RASIP1: variants seen among roughly 807,000 people sequenced by gnomAD.
RASIP1 encodes the protein Ras interacting protein 1, also known as ras-interacting protein 1.
In RASIP1, 20 loss-of-function variants were observed where a neutral mutation model predicts 85.3. The ratio of observed to expected loss-of-function variants is 0.23; its 90% CI spans 0.17 to 0.34. The LOEUF is 0.34. RASIP1 is among the 10% of genes least tolerant of loss of function. The pLI, the probability that RASIP1 is intolerant of heterozygous loss-of-function variation, is 1.00. For missense variants in RASIP1, 1,170 were observed against 1,390.9 expected (o/e 0.84, Z 2.53); for synonymous variants, 617 against 647.1 (o/e 0.95, Z 0.71).
In RASIP1 at chr19:48,720,950, G is replaced by T. The variant is rs1456098881; in HGVS notation, c.2740C>A (p.Leu914Met). 2 of 1,612,756 alleles carry T rather than the reference G, an allele frequency of 1.2e-6. No individual in the cohort carries two copies. The highest frequency in any genetic ancestry group is 8.5e-7 in the Non-Finnish European group (1 of 1,179,666). The change falls in exon 12 of 12, where the codon CTG (leucine) becomes ATG (methionine). Residue 914 changes from leucine (L) to methionine (M), a missense_variant. Transcript: ENST00000222145. ...GTGAGGCGCAGGCGCGAGCTCCCCA[G>T]GGGGAGGATGAGGGGCGGGTGCGAG... ...FSSHPPLILP[L>M]GSSRLRLTGP...
At position 48,738,723 on chromosome 19, in the gene RASIP1, C is replaced by T; in HGVS notation, c.823+237G>A. The stretch of plus-strand genomic sequence containing the variant: ...AGCCCCAAGCTTGGCCCCTGTAAAA[C>T]TCCTGCTCAATCAACAAGCCCCACC... On this transcript the variant is annotated intron_variant, in intron 3 of 11. Transcript: ENST00000222145. This position sits in a 1 kb window ranked among gnomAD's most constrained non-coding sequence, Gnocchi z 4.0. The T allele has an allele frequency of 5.0e-6, 2 of 400,408 alleles. No individual in the cohort carries two copies. Among genetic ancestry groups the T allele is most frequent in the South Asian group, 1.3e-4 (1 of 7,968 alleles). 24.8% of individuals were successfully genotyped at this position (400,408 alleles called of 1,614,324 possible). A position where few individuals can be genotyped will look rare whatever the true frequency, so the allele number is the denominator to read the frequency against.
In RASIP1 at chr19:48,720,846, C is replaced by A; in HGVS notation, c.2844G>T (p.Glu948Asp). Residue 948 changes from glutamate to aspartate, a missense_variant, in exon 12 of 12, where the codon GAG becomes GAT. Coordinates refer to ENST00000222145, the MANE Select transcript of RASIP1 (RefSeq NM_017805.3). Reference sequence around the variant, plus strand: ...GCCCATGGCGATAATTGGCTGGCAGCTCCTGCTGCTCAAGATCCCAGAGGA... The same window carrying A: ...GCCCATGGCGATAATTGGCTGGCAGATCCTGCTGCTCAAGATCCCAGAGGA... ...RRLLWDLEQQ[E>D]LPANYRHGPP... The A allele has an allele frequency of 6.2e-7, 1 of 1,614,096 alleles. No individual in the cohort carries two copies. The highest frequency in any genetic ancestry group is 8.5e-7 in the Non-Finnish European group (1 of 1,180,038).
chr19:48,736,223 G>A (rs1413391681), intron 3 of RASIP1, among the ~76,000 whole-genome samples: 1 of 151,318 alleles, frequency 6.6e-6, no homozygotes, highest in East Asian at 2.0e-4. Flanking sequence ...AGACCATCTT[G>A]GCTAACACGG....
Position 48,739,274 on chromosome 19 carries a change from G to C in RASIP1, c.509C>G (p.Ser170Cys). 6.8e-7 allele frequency: 1 copy of C among 1,467,472 alleles called. No individual in the cohort carries two copies. Among genetic ancestry groups the C allele is most frequent in the Non-Finnish European group, 8.9e-7 (1 of 1,118,044 alleles). The allele number at this position is 1,467,472 out of a possible 1,614,324, so 90.9% of individuals were successfully genotyped here. ...NYKSVLATAR[S>C]TARELVAEAL... ...CTCGGCCACGAGCTCGCGCGCCGTG[G>C]AGCGCGCCGTGGCCAGCACGCTCTT... Residue 170 changes from serine (S) to cysteine (C), a missense_variant, in exon 3 of 12, where the codon TCC (serine) becomes TGC (cysteine). Physicochemically the swap from Ser to Cys is moderately radical, Grantham distance 112 (BLOSUM62 -1). This residue lies in a region of RASIP1 where 299 missense variants were observed against 394.4 expected (regional missense o/e 0.76). Coordinates refer to ENST00000222145, the MANE Select transcript of RASIP1 (RefSeq NM_017805.3). The surrounding 1 kb of genome is among the most constrained non-coding windows in gnomAD (Gnocchi z 9.2).
At chr19:48,729,808 G>C (rs2033419878) in intron 4 of RASIP1, among the ~76,000 whole-genome samples, 1 of 143,676 alleles carries the variant, frequency 7.0e-6, no homozygotes, top group South Asian at 2.2e-4. Context: ...TCTGCCTCCT[G>C]AGTTCAAGCA....
intron 6 of RASIP1, 86 bp from the exon 7 acceptor site, chr19:48,727,244 C>T (rs1006878916): frequency 3.8e-6 from 6 of 1,567,742 alleles, no homozygotes; most frequent in South Asian, 3.4e-5. Context: ...AGTGGGAGAG[C>T]AAGACCAACT....
rs1291093406 is a variant in RASIP1 at position 48,724,970 on chromosome 19, T to C, written c.2128-10A>G. 3.1e-6 allele frequency: 5 copies of C among 1,607,166 alleles called. No individual in the cohort carries two copies. The highest frequency in any genetic ancestry group is 4.3e-6 in the Non-Finnish European group (5 of 1,174,374). Reference sequence around the variant, plus strand: ...GCGTTGAATAGAGAGTCTGAGAAAATAGAGAAGTGGAAACAAGTGATTGGA... The same window carrying C: ...GCGTTGAATAGAGAGTCTGAGAAAACAGAGAAGTGGAAACAAGTGATTGGA... On this transcript the variant is annotated splice_polypyrimidine_tract_variant and intron_variant, in intron 8 of 11. Transcript: ENST00000222145. The surrounding 1 kb of genome is among the most constrained non-coding windows in gnomAD (Gnocchi z 4.6).
At chr19:48,726,740 G>A (rs770353402) in intron 8 of RASIP1, 45 bp downstream of exon 8, 68 of 1,422,990 alleles carry the variant, frequency 4.8e-5, no homozygotes, top group Non-Finnish European at 6.0e-5. Context: ...ACGTGAAACA[G>A]GAAGTGATGC....
intron 10 of RASIP1, among the ~76,000 whole-genome samples, chr19:48,723,337 A>C (rs2033283586): frequency 6.6e-6 from 1 of 152,184 alleles, no homozygotes; most frequent in Admixed American, 6.5e-5. Context: ...AGGCAGGCGC[A>C]TCCCCTGAGG....
Position 48,739,822 on chromosome 19 carries a change from GAAAA to G in RASIP1, c.138-181_138-178del, listed in dbSNP as rs1279030083. 4.6e-5 allele frequency among the ~76,000 whole-genome samples: 7 copies of G among 152,144 alleles called. No individual in the cohort carries two copies. Among genetic ancestry groups the G allele is most frequent in the Admixed American group, 3.3e-4 (5 of 15,278 alleles). On this transcript the variant is annotated intron_variant, in intron 2 of 11. Coordinates refer to ENST00000222145, the MANE Select transcript of RASIP1 (RefSeq NM_017805.3). The surrounding 1 kb of genome is among the most constrained non-coding windows in gnomAD (Gnocchi z 9.2). The stretch of plus-strand genomic sequence containing the variant: ...GACAGACGCGAGGCAAAGAGAGAGA[GAAAA>G]AATAAATAAATAAAGGCAAGTCCCA...
chr19:48,739,507 G>A lies in RASIP1; in HGVS notation c.276C>T (p.Leu92=). Residue 92 remains leucine (L), a synonymous_variant, in exon 3 of 12, where the codon CTC becomes CTT. Coordinates refer to ENST00000222145, the MANE Select transcript of RASIP1 (RefSeq NM_017805.3). The surrounding 1 kb of genome is among the most constrained non-coding windows in gnomAD (Gnocchi z 9.2). The part of the protein sequence containing the change: ...SGSRAKRISQ[L]FRGSGTGTTG... ...TGGTCCCGGTCCCCGAGCCCCGGAA[G>A]AGCTGGGAGATGCGCTTGGCGCGGC... 6.6e-7 allele frequency: 1 copy of A among 1,515,680 alleles called. No individual in the cohort carries two copies. The highest frequency in any genetic ancestry group is 2.6e-5 in the East Asian group (1 of 38,588). 93.9% of individuals were successfully genotyped at this position (1,515,680 alleles called of 1,614,324 possible).
chr19:48,729,350 C>T lies in RASIP1; in HGVS notation c.1420G>A (p.Gly474Ser). 1.9e-6 allele frequency: 3 copies of T among 1,559,812 alleles called. No individual in the cohort carries two copies. Among genetic ancestry groups the T allele is most frequent in the South Asian group, 2.4e-5 (2 of 84,736 alleles). ...LLLREAELHP[G>S]DLLGLGEHFL... ...TGCTCGCCCAGCCCCAGGAGGTCGCCCGGGTGCAGCTCAGCCTCCCGCAGC... is the reference window on the plus strand; with the variant it reads ...TGCTCGCCCAGCCCCAGGAGGTCGCTCGGGTGCAGCTCAGCCTCCCGCAGC... Residue 474 changes from glycine (G) to serine (S), a missense_variant, in exon 5 of 12, where the codon GGC (glycine) becomes AGC (serine). Gly to Ser is a moderately conservative substitution (Grantham distance 56, BLOSUM62 0). Coordinates refer to ENST00000222145, the MANE Select transcript of RASIP1 (RefSeq NM_017805.3).
In RASIP1 at chr19:48,729,249, G is replaced by A; in HGVS notation, c.1521C>T (p.Pro507=). Residue 507 remains proline, a synonymous_variant, in exon 5 of 12, where the codon CCC becomes CCT. Transcript: ENST00000222145. ...AGCCAGGGCCTGGCGGCGTGGCCCCGGGGCGCGCGGGCAGCCACGGCGGCC... is the reference window on the plus strand; with the variant it reads ...AGCCAGGGCCTGGCGGCGTGGCCCCAGGGCGCGCGGGCAGCCACGGCGGCC... The part of the protein sequence containing the change: ...PARPPWLPAR[P]GATPPGPGWA... 11 of 1,448,876 alleles carry A rather than the reference G, an allele frequency of 7.6e-6. No individual in the cohort carries two copies. The highest frequency in any genetic ancestry group is 9.9e-6 in the Non-Finnish European group (11 of 1,107,228). The allele number at this position is 1,448,876 out of a possible 1,614,324, so 89.8% of individuals were successfully genotyped here.
intron 10 of RASIP1, among the ~76,000 whole-genome samples, chr19:48,722,745 G>A (rs1459402590): frequency 3.3e-5 from 5 of 152,008 alleles, no homozygotes; most frequent in South Asian, 2.1e-4. Context: ...ATTACCTTCC[G>A]GCAGGTCACC....
At chr19:48,737,952 T>G in intron 3 of RASIP1, 1 of 985,238 alleles carries the variant, frequency 1.0e-6, no homozygotes, top group Non-Finnish European at 1.2e-6. Context: ...TGTTTGTTTG[T>G]TTGTTTTTTC....
chr19:48,729,130 A>G lies in RASIP1; in HGVS notation c.1640T>C (p.Phe547Ser). ...CAGCGCCTCCTCCTCGCGCGGCCGG[A>G]AGCGCAGGACTGGCTCACGGCCGTC... ...YLDGREPVLR[F>S]RPREEEALLG... is the part of the protein sequence containing the mutation. Residue 547 changes from phenylalanine to serine, a missense_variant, in exon 5 of 12, where the codon TTC (phenylalanine) becomes TCC (serine). Physicochemically the swap from Phe to Ser is radical, Grantham distance 155 (BLOSUM62 -2). This residue lies in a region of RASIP1 where 426 missense variants were observed against 576.2 expected (regional missense o/e 0.74). Transcript: ENST00000222145. 1 of 1,362,926 alleles carries G rather than the reference A, an allele frequency of 7.3e-7. No homozygotes were observed. Among genetic ancestry groups the G allele is most frequent in the Non-Finnish European group, 9.4e-7 (1 of 1,060,912 alleles). 84.4% of individuals were successfully genotyped at this position (1,362,926 alleles called of 1,614,324 possible). A position where few individuals can be genotyped will look rare whatever the true frequency, so the allele number is the denominator to read the frequency against.
rs1486334567 is a variant in RASIP1 at position 48,724,257 on chromosome 19, G to A, written c.2544+80C>T. The A allele has an allele frequency of 1.0e-5, 15 of 1,456,384 alleles. No individual in the cohort carries two copies. The highest frequency in any genetic ancestry group is 5.6e-5 in the African/African-American group (4 of 71,176). The allele number at this position is 1,456,384 out of a possible 1,614,324, so 90.2% of individuals were successfully genotyped here. A position where few individuals can be genotyped will look rare whatever the true frequency, so the allele number is the denominator to read the frequency against. ...CATGGGGTTCAAGGGGAGCTCTGAC[G>A]GTGAGCTGAATATAGAAGGTGGCTG... On this transcript the variant is annotated intron_variant, in intron 10 of 11. Transcript: ENST00000222145. The surrounding 1 kb of genome is among the most constrained non-coding windows in gnomAD (Gnocchi z 4.6).
At position 48,724,954 on chromosome 19, in the gene RASIP1, A is replaced by G; in HGVS notation, c.2134T>C (p.Tyr712His). The stretch of plus-strand genomic sequence containing the variant: ...TCCAGGAGAGCAGGCAGCGTTGAAT[A>G]GAGAGTCTGAGAAAATAGAGAAGTG... ...QSVYYLTKTL[Y>H]STLPALLDSN... Residue 712 changes from tyrosine to histidine, a missense_variant, in exon 9 of 12, where the codon TAT becomes CAT. This residue lies in a region of RASIP1 where 426 missense variants were observed against 576.2 expected (regional missense o/e 0.74). Coordinates refer to ENST00000222145, the MANE Select transcript of RASIP1 (RefSeq NM_017805.3). The surrounding 1 kb of genome is among the most constrained non-coding windows in gnomAD (Gnocchi z 4.6). 6.2e-7 allele frequency: 1 copy of G among 1,610,346 alleles called. No individual in the cohort carries two copies. Among genetic ancestry groups the G allele is most frequent in the Non-Finnish European group, 8.5e-7 (1 of 1,176,750 alleles).
At position 48,739,049 on chromosome 19, in the gene RASIP1, C is replaced by T; in HGVS notation, c.734G>A (p.Arg245Gln). 3.2e-6 allele frequency: 4 copies of T among 1,251,282 alleles called. No individual in the cohort carries two copies. The South Asian group carries it at 1.2e-4, about 39-fold the overall frequency. 77.5% of individuals were successfully genotyped at this position (1,251,282 alleles called of 1,614,324 possible). ...PLLVQELWRA[R>Q]PGWARRFELR... ...CTCGAAGCGCCGCGCCCAGCCGGGC[C>T]GCGCCCGCCACAGCTCCTGCACCAG... The change falls in exon 3 of 12, where the codon CGG becomes CAG. Residue 245 changes from arginine to glutamine, a missense_variant. Transcript: ENST00000222145. The surrounding 1 kb of genome is among the most constrained non-coding windows in gnomAD (Gnocchi z 9.2).
Sources: allele counts gnomAD v4.1 joint callset (sites outside exome capture counted in the v4.1 genomes callset), GRCh38; gene constraint gnomAD v4.1.1; regional missense constraint gnomAD v4.1.1; non-coding constraint Gnocchi (gnomAD v3.1); transcripts MANE v1.5; gene names NCBI Gene and HGNC (gene_info 2026-07-23, HGNC 2026-07-21).